The following MYO1D variants were observed in gnomAD, a reference collection of about 807,000 sequenced individuals.
MYO1D encodes the protein unconventional myosin-Id.
Under a neutral mutation model 122.0 loss-of-function variants are expected in MYO1D, and 83 were observed. That is an observed-to-expected ratio of 0.68 (90% CI 0.57 to 0.82). The LOEUF is 0.82. MYO1D is among the 40% of genes least tolerant of loss of function. The pLI is 0.00. For synonymous variants in MYO1D, 464 were observed against 446.9 expected, an observed-to-expected ratio of 1.04 and a Z score of -0.48; for missense variants, 1,157 against 1,269.5, an observed-to-expected ratio of 0.91 and a Z score of 1.35.
At chr17:32,859,412 C>A (rs2091051866) in intron 1 of MYO1D, among the ~76,000 whole-genome samples, 1 of 152,200 alleles carries the variant, frequency 6.6e-6, no homozygotes, top group Non-Finnish European at 1.5e-5. Flanking sequence ...GGTCCTCATG[C>A]ATTGGCCCCC....
chr17:32,829,893 C>T (rs928419015), intron 1 of MYO1D, among the ~76,000 whole-genome samples: 5 of 152,026 alleles, frequency 3.3e-5, no homozygotes, highest in African/African-American at 7.2e-5. Flanking sequence ...ACCCACTCAC[C>T]GCTAATCAAA....
chr17:32,612,530 A>G (rs1026061445), intron 20 of MYO1D, among the ~76,000 whole-genome samples: 1 of 151,608 alleles, frequency 6.6e-6, no homozygotes, highest in Admixed American at 6.6e-5. Context: ...TAAAAAAAAA[A>G]TTAGCTGGAG....
chr17:32,570,292 T>C (rs2087211262), intron 21 of MYO1D, among the ~76,000 whole-genome samples: 1 of 152,198 alleles, frequency 6.6e-6, no homozygotes, highest in African/African-American at 2.4e-5. Flanking sequence ...CAAACTTCCT[T>C]GGTTGTAGAA....
At chr17:32,840,472 G>A (rs1304526465) in intron 1 of MYO1D, among the ~76,000 whole-genome samples, 3 of 152,062 alleles carry the variant, frequency 2.0e-5, no homozygotes, top group Non-Finnish European at 4.4e-5. Context: ...CTCCTTCAAT[G>A]GGCAGTATTT....
intron 21 of MYO1D, among the ~76,000 whole-genome samples, chr17:32,593,209 C>A (rs1277637912): frequency 6.6e-6 from 1 of 152,166 alleles, no homozygotes; most frequent in African/African-American, 2.4e-5. Context: ...GGTGGCAAGG[C>A]TGGAAAAGGA....
At chr17:32,696,568 C>A (rs2089176739) in intron 16 of MYO1D, among the ~76,000 whole-genome samples, 1 of 152,176 alleles carries the variant, frequency 6.6e-6, no homozygotes, top group South Asian at 2.1e-4. Context: ...CTCTTTACAT[C>A]TTGTTAGATA....
intron 1 of MYO1D, among the ~76,000 whole-genome samples, chr17:32,867,350 G>A (rs1044625489): frequency 6.5e-4 from 98 of 150,526 alleles, no homozygotes; most frequent in Middle Eastern, 7.0e-3. Flanking sequence ...AGAATTGTCT[G>A]TGCTATTCAT....
chr17:32,494,874 T>C lies in MYO1D; in HGVS notation c.2906A>G (p.Gln969Arg). 2 of 1,612,162 alleles carry C rather than the reference T, an allele frequency of 1.2e-6. No individual in the cohort carries two copies. Among genetic ancestry groups the C allele is most frequent in the Non-Finnish European group, 1.7e-6 (2 of 1,178,822 alleles). The stretch of plus-strand genomic sequence containing the variant: ...GCACTTCTTCCCGTGCAGGCTGCAC[T>C]GTACTGGGTTGGTGACGTTCACTTG... ...HLQVNVTNPV[Q>R]CSLHGKKCTV... Residue 969 changes from glutamine (Q) to arginine (R), a missense_variant, in exon 22 of 22, where the codon CAG becomes CGG. Gln to Arg is a conservative substitution (Grantham distance 43, BLOSUM62 1). Transcript: ENST00000318217.
chr17:32,600,015 G>A (rs2087544416), intron 21 of MYO1D, among the ~76,000 whole-genome samples: 1 of 152,182 alleles, frequency 6.6e-6, no homozygotes, highest in Non-Finnish European at 1.5e-5. Context: ...TCCACGGGCT[G>A]CACAATAGAT....
chr17:32,725,992 G>A (rs1455059757), intron 14 of MYO1D, among the ~76,000 whole-genome samples: 1 of 152,156 alleles, frequency 6.6e-6, no homozygotes, highest in African/African-American at 2.4e-5. Flanking sequence ...TTTACACTGA[G>A]CAAAAATATT....
chr17:32,797,175 T>C (rs987467205), intron 1 of MYO1D, among the ~76,000 whole-genome samples: 1 of 152,194 alleles, frequency 6.6e-6, no homozygotes, highest in African/African-American at 2.4e-5. Context: ...TTCACCATGT[T>C]GGTCAAGACA....
At chr17:32,560,187 G>A (rs377356283) in intron 21 of MYO1D, among the ~76,000 whole-genome samples, 3 of 152,056 alleles carry the variant, frequency 2.0e-5, no homozygotes, top group Non-Finnish European at 4.4e-5. Context: ...CCTGGGAGGC[G>A]GAGGTTGCAG....
intron 7 of MYO1D, among the ~76,000 whole-genome samples, chr17:32,766,099 G>C (rs1307840843): frequency 6.6e-6 from 1 of 151,930 alleles, no homozygotes; most frequent in East Asian, 1.9e-4. Context: ...TGCCCAGGCT[G>C]GTCTTGGAAC....
intron 16 of MYO1D, among the ~76,000 whole-genome samples, chr17:32,671,282 C>T (rs1431377217): frequency 6.6e-6 from 1 of 152,200 alleles, no homozygotes; most frequent in Non-Finnish European, 1.5e-5. Flanking sequence ...TTGGAGCGGC[C>T]AGCCAGATCC....
At chr17:32,498,576 G>A (rs1246869195) in intron 21 of MYO1D, 1 of 152,194 alleles carries the variant, frequency 6.6e-6, no homozygotes, top group Non-Finnish European at 1.5e-5. Flanking sequence ...GCCAGACAGG[G>A]GTTCTTCCTG....
chr17:32,780,162 A>G (rs2090220606), intron 2 of MYO1D, among the ~76,000 whole-genome samples: 1 of 152,102 alleles, frequency 6.6e-6, no homozygotes, highest in African/African-American at 2.4e-5. Flanking sequence ...ACGCCTCAGT[A>G]GGTCCCTCAA....
intron 8 of MYO1D, among the ~76,000 whole-genome samples, chr17:32,764,497 T>A (rs1379369656): frequency 6.6e-6 from 1 of 152,232 alleles, no homozygotes; most frequent in Non-Finnish European, 1.5e-5. Flanking sequence ...CATTCCATAA[T>A]GTGTACATGT....
intron 21 of MYO1D, among the ~76,000 whole-genome samples, chr17:32,597,934 A>T (rs1257720269): frequency 6.6e-6 from 1 of 151,646 alleles, no homozygotes. Context: ...GTGGTACGGT[A>T]CACACACCAT....
chr17:32,804,109 T>C (rs534666559), intron 1 of MYO1D, among the ~76,000 whole-genome samples: 1 of 152,298 alleles, frequency 6.6e-6, no homozygotes, highest in Admixed American at 6.5e-5. Flanking sequence ...GTTCCTGACA[T>C]AAAATGGCAT....
Sources: gnomAD v4.1 joint callset for allele counts (sites outside exome capture counted in the v4.1 genomes callset) on GRCh38, gnomAD v4.1.1 for gene constraint, MANE v1.5 for transcripts, NCBI Gene and HGNC (gene_info 2026-07-23, HGNC 2026-07-21) for gene names.